Variants in ANKRD36 observed in about 807,000 individuals in gnomAD.
The protein encoded by ANKRD36 is ankyrin repeat domain 36, also known as ankyrin repeat domain-containing protein 36A.
In ANKRD36, 179 loss-of-function variants were observed where a neutral mutation model predicts 278.1. The observed-to-expected ratio is 0.64, with a 90% CI of 0.57 to 0.73. The LOEUF is 0.73. Among genes scored for constraint, ANKRD36 ranks in the 30% least tolerant of loss-of-function variants. The pLI is 0.00. For missense variants in ANKRD36, 1,159 were observed against 1,956.7 expected, an observed-to-expected ratio of 0.59 and a Z score of 7.69; for synonymous variants, 320 against 641.1, an observed-to-expected ratio of 0.50 and a Z score of 7.57.
At chr2:97,202,468 G>C (rs1398829991) in intron 48 of ANKRD36, 75 bp downstream of exon 48, 2 of 1,530,908 alleles carry the variant, frequency 1.3e-6, no homozygotes, top group Admixed American at 2.0e-5. Context: ...ATAAATCAGC[G>C]GGGGGCTCGT....
chr2:97,191,807 T>C (rs1413013552), intron 36 of ANKRD36, among the ~76,000 whole-genome samples: 1 of 151,684 alleles, frequency 6.6e-6, no homozygotes, highest in Non-Finnish European at 1.5e-5. Flanking sequence ...AATGCTAGAA[T>C]TGCCATAAAA....
intron 52 of ANKRD36, among the ~76,000 whole-genome samples, chr2:97,207,310 A>G (rs1426264234): frequency 2.0e-5 from 3 of 151,512 alleles, no homozygotes; most frequent in Non-Finnish European, 4.4e-5. Flanking sequence ...CTTCCACTGA[A>G]GAGATGTGAA....
At chr2:97,116,152 T>C (rs1223337244) in intron 1 of ANKRD36, among the ~76,000 whole-genome samples, 3 of 152,158 alleles carry the variant, frequency 2.0e-5, no homozygotes, top group Non-Finnish European at 1.5e-5. Context: ...AAATGATCAG[T>C]ATGTTTAAAA....
intron 67 of ANKRD36, among the ~76,000 whole-genome samples, chr2:97,232,557 A>G (rs1338540473): frequency 1.5e-5 from 2 of 133,696 alleles, no homozygotes; most frequent in Non-Finnish European, 3.0e-5. Flanking sequence ...AATTTGACAA[A>G]TGATTCACCT....
rs78003917 is a variant in ANKRD36 at position 97,191,765 on chromosome 2, G to A, written c.2347+584G>A. 8.9e-4 allele frequency among the ~76,000 whole-genome samples: 135 copies of A among 151,670 alleles called. 7 individuals are homozygous for A. In the East Asian group the frequency reaches 0.026, roughly 29 times the overall value. On this transcript the variant is annotated intron_variant, in intron 36 of 75. Coordinates refer to ENST00000420699, the MANE Select transcript of ANKRD36 (RefSeq NM_001354587.1). Reference sequence around the variant, plus strand: ...ATTTTCATAAAACATATTTGATTTTGGCAGCACAAGGAAATACTGGAAGTG... The same window carrying A: ...ATTTTCATAAAACATATTTGATTTTAGCAGCACAAGGAAATACTGGAAGTG...
Position 97,204,980 on chromosome 2 carries a change from A to G in ANKRD36, c.3061+717A>G, listed in dbSNP as rs567712671. On this transcript the variant is annotated intron_variant, in intron 50 of 75. Transcript: ENST00000420699. ...TTGATTTTAGTTATAGAAATGAGAT[A>G]AACTTGAATATGAATACATTGGCTT... Among the ~76,000 whole-genome samples the G allele has an allele frequency of 2.5e-3, 380 of 151,664 alleles. 8 individuals are homozygous for G. Among genetic ancestry groups the G allele is most frequent in the Admixed American group, 2.4e-3 (36 of 15,168 alleles).
intron 18 of ANKRD36, among the ~76,000 whole-genome samples, chr2:97,163,067 A>C (rs2049457393): frequency 6.6e-6 from 1 of 152,276 alleles, no homozygotes; most frequent in African/African-American, 2.4e-5. Context: ...GGAGATGGAG[A>C]CCATCCTGGC....
intron 66 of ANKRD36, among the ~76,000 whole-genome samples, chr2:97,219,501 G>T (rs1162035229): frequency 6.6e-6 from 1 of 150,538 alleles, no homozygotes; most frequent in East Asian, 2.0e-4. Context: ...TGTTTTTGGA[G>T]ACAGAGCTTT....
At chr2:97,196,454 C>A in intron 40 of ANKRD36, 139 bp from the exon 41 acceptor site, 1 of 1,487,854 alleles carries the variant, frequency 6.7e-7, no homozygotes. Context: ...TGTTCTAGTC[C>A]CCAGACACAA....
intron 22 of ANKRD36, among the ~76,000 whole-genome samples, chr2:97,178,526 A>T (rs201954996): frequency 9.9e-5 from 15 of 151,536 alleles, no homozygotes; most frequent in Non-Finnish European, 1.8e-4. Flanking sequence ...ATGTCCTTTG[A>T]AGGGACATGG....
chr2:97,202,900 G>A (rs996117204), intron 48 of ANKRD36, among the ~76,000 whole-genome samples: 8 of 151,716 alleles, frequency 5.3e-5, no homozygotes, highest in African/African-American at 1.9e-4. Flanking sequence ...ATAATTTTGG[G>A]GTTTCTGCTG....
At chr2:97,225,266 G>C (rs573291450) in intron 67 of ANKRD36, among the ~76,000 whole-genome samples, 9,393 of 151,490 alleles carry the variant, frequency 0.062, 943 homozygotes, top group African/African-American at 0.22. Context: ...ATTGCTAGTG[G>C]TTCAAACTTT....
intron 66 of ANKRD36, among the ~76,000 whole-genome samples, chr2:97,220,063 G>C (rs2066985173): frequency 1.7e-5 from 2 of 118,344 alleles, no homozygotes; most frequent in South Asian, 6.7e-4. Context: ...GTGTGTGTGT[G>C]TGTGTGTGTG....
intron 6 of ANKRD36, among the ~76,000 whole-genome samples, chr2:97,133,357 G>T (rs900213054): frequency 2.0e-4 from 30 of 151,894 alleles, no homozygotes; most frequent in African/African-American, 7.0e-4. Flanking sequence ...TATTTAACAG[G>T]TCTCTATACA....
intron 50 of ANKRD36, among the ~76,000 whole-genome samples, chr2:97,205,310 C>CTATA (rs1311519762): frequency 6.6e-6 from 1 of 151,616 alleles, no homozygotes. Flanking sequence ...ATTTGGAAGG[C>CTATA]TATACTAGTG....
chr2:97,194,668 T>C, intron 38 of ANKRD36, 58 bp from the exon 39 acceptor site: 1 of 1,595,416 alleles, frequency 6.3e-7, no homozygotes, highest in Non-Finnish European at 8.5e-7. Context: ...TGTGTGAATG[T>C]ATGGATAACT....
chr2:97,260,847 G>A (rs71429357), intron 75 of ANKRD36, among the ~76,000 whole-genome samples: 2,450 of 105,522 alleles, frequency 0.023, 2 homozygotes, highest in Non-Finnish European at 0.031. Context: ...TATCAGCACT[G>A]GCTGCTTTAC....
intron 67 of ANKRD36, among the ~76,000 whole-genome samples, chr2:97,231,264 G>T (rs1445959339): frequency 2.1e-4 from 32 of 152,272 alleles, no homozygotes; most frequent in Non-Finnish European, 2.9e-4. Context: ...ACAGAGGCAG[G>T]CAGGCCTCCT....
chr2:97,225,714 T>C (rs528202966), intron 67 of ANKRD36, among the ~76,000 whole-genome samples: 20 of 152,054 alleles, frequency 1.3e-4, no homozygotes, highest in African/African-American at 4.8e-4. Flanking sequence ...CATGCTGGTG[T>C]GCTGCACCCA....
Sources: allele counts gnomAD v4.1 joint callset (sites outside exome capture counted in the v4.1 genomes callset), GRCh38; gene constraint gnomAD v4.1.1; transcripts MANE v1.5; gene names NCBI Gene and HGNC (gene_info 2026-07-23, HGNC 2026-07-21).